PPM1L: variants seen among roughly 807,000 people sequenced by gnomAD.
PPM1L encodes protein phosphatase 1L.
Under a neutral mutation model 31.4 loss-of-function variants are expected in PPM1L, and 13 were observed. The observed-to-expected ratio is 0.41, with a 90% confidence interval of 0.27 to 0.66. The LOEUF is 0.66. Among genes scored for constraint, PPM1L ranks in the 30% least tolerant of loss-of-function variants. PPM1L has a pLI of 0.29. For synonymous variants in PPM1L, 184 were observed against 175.4 expected (o/e 1.05, Z -0.39); for missense variants, 326 against 453.7 (o/e 0.72, Z 2.56).
intron 1 of PPM1L, among the ~76,000 whole-genome samples, chr3:160,901,827 T>A (rs1009771904): frequency 9.9e-5 from 15 of 152,208 alleles, no homozygotes; most frequent in Admixed American, 3.9e-4. Context: ...AAACACTGTT[T>A]ATCTTTCCTC....
chr3:160,915,497 T>C (rs1401311582), intron 1 of PPM1L, among the ~76,000 whole-genome samples: 3 of 152,154 alleles, frequency 2.0e-5, no homozygotes, highest in Admixed American at 2.0e-4. Context: ...AGGTAATTTA[T>C]AGATTCAATG....
intron 2 of PPM1L, among the ~76,000 whole-genome samples, chr3:160,978,316 A>G (rs927910122): frequency 3.3e-5 from 5 of 152,170 alleles, no homozygotes; most frequent in African/African-American, 1.2e-4. Context: ...GGCATCAGGG[A>G]ATCTCCAGGG....
At chr3:160,937,774 C>T (rs1715027501) in intron 1 of PPM1L, among the ~76,000 whole-genome samples, 2 of 152,044 alleles carry the variant, frequency 1.3e-5, no homozygotes, top group Admixed American at 6.6e-5. Context: ...TGTTTTATGC[C>T]CTCAAAGCAC....
At chr3:160,967,787 T>C (rs1226820627) in intron 2 of PPM1L, among the ~76,000 whole-genome samples, 1 of 152,106 alleles carries the variant, frequency 6.6e-6, no homozygotes, top group Non-Finnish European at 1.5e-5. Context: ...ATTCTATTTC[T>C]AGTCTAGCTC....
intron 1 of PPM1L, among the ~76,000 whole-genome samples, chr3:160,906,877 G>A (rs1713782213): frequency 6.6e-6 from 1 of 152,210 alleles, no homozygotes; most frequent in Non-Finnish European, 1.5e-5. Context: ...AGCTTCCACA[G>A]AGCAGCTTAC....
Position 160,771,570 on chromosome 3 carries a change from T to TA in PPM1L, c.399+14868dup, listed in dbSNP as rs1164086246. Reference sequence around the variant, plus strand: ...TTTTTTTTTTTTTTTTTTTTTTTTTTAAAAAGAGCATATTAAATATTTCTG... The same window carrying TA: ...TTTTTTTTTTTTTTTTTTTTTTTTTTAAAAAAGAGCATATTAAATATTTCTG... On this transcript the variant is annotated intron_variant, in intron 1 of 3. Coordinates refer to ENST00000498165, the MANE Select transcript of PPM1L (RefSeq NM_139245.4). 5.7e-5 allele frequency among the ~76,000 whole-genome samples: 8 copies of TA among 139,332 alleles called. No homozygotes were observed. In the East Asian group the frequency reaches 6.0e-4, roughly 11 times the overall value. The allele number at this position is 139,332 out of a possible 152,430, so 91.4% of individuals were successfully genotyped here.
intron 1 of PPM1L, among the ~76,000 whole-genome samples, chr3:160,806,427 T>G (rs1246099102): frequency 1.3e-5 from 2 of 152,184 alleles, no homozygotes; most frequent in African/African-American, 4.8e-5. Context: ...TTACATGTCT[T>G]TCTTCCCCTT....
At chr3:160,863,417 T>C (rs748649559) in intron 1 of PPM1L, among the ~76,000 whole-genome samples, 40 of 152,222 alleles carry the variant, frequency 2.6e-4, no homozygotes, top group Non-Finnish European at 4.1e-4. Context: ...TTCCTCTTTT[T>C]CCACTAAATG....
chr3:161,048,084 A>G (rs1324498742), intron 2 of PPM1L, among the ~76,000 whole-genome samples: 1 of 152,248 alleles, frequency 6.6e-6, no homozygotes, highest in Non-Finnish European at 1.5e-5. Flanking sequence ...AAAATTGACA[A>G]ATGGGATCTA....
intron 2 of PPM1L, among the ~76,000 whole-genome samples, chr3:161,007,397 G>A (rs1219709263): frequency 6.6e-6 from 1 of 152,226 alleles, no homozygotes; most frequent in African/African-American, 2.4e-5. Flanking sequence ...ACCACCAAGG[G>A]CAAAGGCCCA....
chr3:160,823,681 C>T (rs973088381), intron 1 of PPM1L, among the ~76,000 whole-genome samples: 8 of 152,034 alleles, frequency 5.3e-5, no homozygotes, highest in Non-Finnish European at 7.4e-5. Flanking sequence ...ATGCCAAATA[C>T]GCTATGCTTT....
chr3:160,765,380 G>A (rs1715079410), intron 1 of PPM1L, among the ~76,000 whole-genome samples: 1 of 152,170 alleles, frequency 6.6e-6, no homozygotes, highest in South Asian at 2.1e-4. Flanking sequence ...TAGTCTTCTC[G>A]ATTTGCTTAG....
intron 1 of PPM1L, among the ~76,000 whole-genome samples, chr3:160,914,774 G>A (rs191607930): frequency 2.0e-4 from 31 of 152,238 alleles, no homozygotes; most frequent in Non-Finnish European, 4.0e-4. Context: ...CTTTATAGCA[G>A]CATGATTTAT....
chr3:160,764,475 CT>C (rs34120245), intron 1 of PPM1L, among the ~76,000 whole-genome samples: 27 of 85,542 alleles, frequency 3.2e-4, no homozygotes, highest in East Asian at 8.6e-4. Flanking sequence ...CTCTCTCTCT[CT>C]TTTTTTTTTT....
intron 1 of PPM1L, among the ~76,000 whole-genome samples, chr3:160,959,457 T>A (rs957076114): frequency 1.8e-4 from 27 of 152,140 alleles, no homozygotes; most frequent in Non-Finnish European, 1.0e-4. Context: ...ATAAAATTTT[T>A]AAAAACCAAA....
chr3:160,994,825 GA>G (rs1231982122), intron 2 of PPM1L, among the ~76,000 whole-genome samples: 1 of 152,140 alleles, frequency 6.6e-6, no homozygotes, highest in Non-Finnish European at 1.5e-5. Flanking sequence ...CAAGAGACAA[GA>G]GCTTGACAGT....
At chr3:161,061,106 A>C (rs1243784823) in intron 2 of PPM1L, among the ~76,000 whole-genome samples, 11 of 152,132 alleles carry the variant, frequency 7.2e-5, no homozygotes, top group Admixed American at 7.2e-4. Flanking sequence ...TCCTGAGCTA[A>C]AACTGCAAAG....
intron 1 of PPM1L, among the ~76,000 whole-genome samples, chr3:160,904,282 T>C (rs1713666158): frequency 6.6e-6 from 1 of 152,206 alleles, no homozygotes. Context: ...AATAAAATAT[T>C]ATGGGTCTGT....
At position 160,935,622 on chromosome 3, in the gene PPM1L, A is replaced by T. The variant is rs544970220; in HGVS notation, c.400-26114A>T. 3.2e-4 allele frequency among the ~76,000 whole-genome samples: 48 copies of T among 152,284 alleles called. 2 individuals are homozygous for T. In the South Asian group the frequency reaches 9.1e-3, roughly 29 times the overall value. On this transcript the variant is annotated intron_variant, in intron 1 of 3. Transcript: ENST00000498165. ...CTCCCCTGTTTGTTTTTCCCAGCAG[A>T]CTTGTCCTGAGGCGAAGCTGTGCTA... is the stretch of plus-strand genomic sequence containing the variant.
Sources: allele counts gnomAD v4.1 joint callset (sites outside exome capture counted in the v4.1 genomes callset), GRCh38; gene constraint gnomAD v4.1.1; transcripts MANE v1.5; gene names NCBI Gene and HGNC (gene_info 2026-07-23, HGNC 2026-07-21).